The following CNTNAP2 variants were observed in gnomAD, a reference collection of about 807,000 sequenced individuals.
The protein encoded by CNTNAP2 is contactin associated protein 2.
Under a neutral mutation model 155.2 loss-of-function variants are expected in CNTNAP2, and 98 were observed. That is an observed-to-expected ratio of 0.63 (90% confidence interval 0.54 to 0.75). CNTNAP2 has a LOEUF of 0.75. Ranked by LOEUF, CNTNAP2 falls within the 30% of genes least tolerant of loss-of-function variation. The pLI is 0.00. For missense variants in CNTNAP2, 1,727 were observed against 1,688.1 expected, an observed-to-expected ratio of 1.02 and a Z score of -0.40; for synonymous variants, 651 against 631.2, an observed-to-expected ratio of 1.03 and a Z score of -0.47.
At chr7:147,179,460 G>A (rs753622631) in intron 8 of CNTNAP2, among the ~76,000 whole-genome samples, 1 of 152,118 alleles carries the variant, frequency 6.6e-6, no homozygotes, top group Non-Finnish European at 1.5e-5. Flanking sequence ...AAACACAAAG[G>A]TTTTGAAATA....
At chr7:146,121,401 G>C (rs1797561749) in intron 1 of CNTNAP2, among the ~76,000 whole-genome samples, 1 of 151,920 alleles carries the variant, frequency 6.6e-6, no homozygotes. Flanking sequence ...GTTGTAAATG[G>C]TATACAGAAT....
At chr7:147,040,224 G>A (rs2129253759) in intron 3 of CNTNAP2, among the ~76,000 whole-genome samples, 1 of 152,270 alleles carries the variant, frequency 6.6e-6, no homozygotes, top group South Asian at 2.1e-4. Flanking sequence ...TAAATGCCAT[G>A]AAAACTGCAA....
chr7:147,570,754 A>C (rs987251646), intron 12 of CNTNAP2, among the ~76,000 whole-genome samples: 1 of 152,214 alleles, frequency 6.6e-6, no homozygotes, highest in Non-Finnish European at 1.5e-5. Context: ...ACATGTAGTA[A>C]ATAATAAAGC....
At chr7:146,893,474 C>T (rs1215420830) in intron 3 of CNTNAP2, among the ~76,000 whole-genome samples, 1 of 94,494 alleles carries the variant, frequency 1.1e-5, no homozygotes, top group African/African-American at 5.2e-5. Flanking sequence ...TATATACATA[C>T]ATATATATAT....
chr7:147,802,743 C>G (rs1041896900), intron 13 of CNTNAP2, among the ~76,000 whole-genome samples: 4 of 136,334 alleles, frequency 2.9e-5, no homozygotes, highest in Non-Finnish European at 6.1e-5. Context: ...CCAGCTTCCG[C>G]TCGGCATCAG....
chr7:146,646,012 T>C (rs1287394874), intron 1 of CNTNAP2, among the ~76,000 whole-genome samples: 2 of 152,202 alleles, frequency 1.3e-5, no homozygotes, highest in African/African-American at 4.8e-5. Flanking sequence ...CTGTTACAGG[T>C]GACGAATTAC....
chr7:146,976,248 T>G (rs751960213), intron 3 of CNTNAP2, among the ~76,000 whole-genome samples: 6 of 152,176 alleles, frequency 3.9e-5, no homozygotes, highest in Non-Finnish European at 8.8e-5. Context: ...TTTCTCTCCA[T>G]GTACCAAGTA....
chr7:147,801,635 TG>T (rs1218363300), intron 13 of CNTNAP2, among the ~76,000 whole-genome samples: 1 of 152,068 alleles, frequency 6.6e-6, no homozygotes, highest in African/African-American at 2.4e-5. Flanking sequence ...AGCACAGGGT[TG>T]GGGGTAAGGT....
At chr7:146,120,795 A>G (rs887112521) in intron 1 of CNTNAP2, among the ~76,000 whole-genome samples, 69 of 152,294 alleles carry the variant, frequency 4.5e-4, no homozygotes, top group African/African-American at 1.5e-3. Flanking sequence ...TATTCAGTGT[A>G]ATAACATGCA....
chr7:147,280,612 A>T (rs1253102124), intron 8 of CNTNAP2, among the ~76,000 whole-genome samples: 2 of 151,890 alleles, frequency 1.3e-5, no homozygotes, highest in Non-Finnish European at 2.9e-5. Context: ...TTCTCCCACA[A>T]AGCTAGCAAG....
intron 13 of CNTNAP2, among the ~76,000 whole-genome samples, chr7:147,716,638 G>T (rs1376807407): frequency 6.6e-6 from 1 of 152,080 alleles, no homozygotes; most frequent in East Asian, 1.9e-4. Flanking sequence ...TTCTATTGAC[G>T]CAGCTACCGG....
chr7:146,233,800 A>C (rs1456698752), intron 1 of CNTNAP2, among the ~76,000 whole-genome samples: 15 of 150,162 alleles, frequency 1.0e-4, no homozygotes, highest in South Asian at 2.1e-4. Flanking sequence ...GGAACTCATC[A>C]TTTTTTATGG....
intron 10 of CNTNAP2, among the ~76,000 whole-genome samples, chr7:147,472,356 G>A (rs566431077): frequency 6.6e-6 from 1 of 151,746 alleles, no homozygotes; most frequent in African/African-American, 2.4e-5. Context: ...GGGATTACAG[G>A]CATGCCCCAC....
chr7:146,720,031 G>T (rs1325419799), intron 1 of CNTNAP2, among the ~76,000 whole-genome samples: 1 of 151,722 alleles, frequency 6.6e-6, no homozygotes, highest in Non-Finnish European at 1.5e-5. Context: ...CTGTTTTTTT[G>T]GTTTGTTTGT....
chr7:147,515,542 C>G (rs775266339), intron 11 of CNTNAP2, among the ~76,000 whole-genome samples: 1 of 151,848 alleles, frequency 6.6e-6, no homozygotes. Flanking sequence ...AGGATGGTCT[C>G]GATCTCTTGA....
chr7:146,876,985 T>G (rs1795442135), intron 3 of CNTNAP2, among the ~76,000 whole-genome samples: 1 of 152,184 alleles, frequency 6.6e-6, no homozygotes, highest in Non-Finnish European at 1.5e-5. Flanking sequence ...AACTTTTTAC[T>G]TTTAACTACT....
At chr7:146,318,985 G>A (rs556723773) in intron 1 of CNTNAP2, among the ~76,000 whole-genome samples, 36 of 152,188 alleles carry the variant, frequency 2.4e-4, no homozygotes, top group African/African-American at 3.6e-4. Context: ...CCATTTTGCA[G>A]TTGAGAAAAC....
chr7:146,475,027 ACAC>A (rs1796857690), intron 1 of CNTNAP2, among the ~76,000 whole-genome samples: 1 of 152,168 alleles, frequency 6.6e-6, no homozygotes, highest in Non-Finnish European at 1.5e-5. Context: ...ACACACACAC[ACAC>A]ACACACACAC....
In CNTNAP2 at chr7:146,912,226, C is replaced by T. The variant is rs187781010; in HGVS notation, c.402+72322C>T. Among the ~76,000 whole-genome samples the T allele has an allele frequency of 6.0e-5, 9 of 150,214 alleles. No homozygotes were observed. The Admixed American group carries it at 6.0e-4, about 10-fold the overall frequency. ...TTTCTTAAAATAGACTATTAGGATG[C>T]AGATGTTCTTGCTGACAGGTGCTTC... is the stretch of plus-strand genomic sequence containing the variant. On this transcript the variant is annotated intron_variant, in intron 3 of 23. Transcript: ENST00000361727.
Sources: allele counts gnomAD v4.1 joint callset (sites outside exome capture counted in the v4.1 genomes callset), GRCh38; gene constraint gnomAD v4.1.1; transcripts MANE v1.5; gene names NCBI Gene and HGNC (gene_info 2026-07-23, HGNC 2026-07-21).